Variants in LOC122539214 observed in about 807,000 individuals in gnomAD.
At chr19:52,666,077 T>G in the LOC122539214 span, among the ~76,000 whole-genome samples, 2 of 147,670 alleles carry the variant, frequency 1.4e-5, no homozygotes, top group Non-Finnish European at 3.0e-5. Flanking sequence ...GGTGGGAGAA[T>G]GGTGTGAACC....
the LOC122539214 span, chr19:52,654,225 A>G: frequency 6.3e-7 from 1 of 1,580,476 alleles, no homozygotes; most frequent in Non-Finnish European, 8.7e-7. Context: ...CTTCATGGCC[A>G]TTTCTTTTAA....
chr19:52,653,093 G>C, the LOC122539214 span: 1 of 1,476,756 alleles, frequency 6.8e-7, no homozygotes, highest in Non-Finnish European at 9.4e-7. Context: ...ATTGCCTTAT[G>C]AATTAGAAGG....
chr19:52,684,300 A>T, the LOC122539214 span, among the ~76,000 whole-genome samples: 2 of 151,380 alleles, frequency 1.3e-5, no homozygotes, highest in Non-Finnish European at 2.9e-5. Context: ...CTGGTGGTGG[A>T]GGTTGTAGTG....
the LOC122539214 span, among the ~76,000 whole-genome samples, chr19:52,683,272 G>C: frequency 9.6e-5 from 8 of 83,708 alleles, no homozygotes; most frequent in African/African-American, 2.7e-4. Context: ...GTGTGTGTGT[G>C]TGTGTGTGTA....
the LOC122539214 span, chr19:52,653,093 G>T: frequency 7.4e-6 from 11 of 1,476,638 alleles, no homozygotes; most frequent in South Asian, 1.1e-4. Flanking sequence ...ATTGCCTTAT[G>T]AATTAGAAGG....
the LOC122539214 span, among the ~76,000 whole-genome samples, chr19:52,687,134 T>C: frequency 6.7e-6 from 1 of 149,344 alleles, no homozygotes; most frequent in South Asian, 2.1e-4. Context: ...TAAGCTGAGA[T>C]TGCAACATTG....
At chr19:52,655,572 A>C in the LOC122539214 span, 1 of 1,500,800 alleles carries the variant, frequency 6.7e-7, no homozygotes, top group Non-Finnish European at 9.3e-7. Context: ...CACAGACTCC[A>C]GGTTCCTGTA....
chr19:52,688,997 C>A, the LOC122539214 span, among the ~76,000 whole-genome samples: 1 of 146,006 alleles, frequency 6.8e-6, no homozygotes, highest in Admixed American at 6.9e-5. Flanking sequence ...TACTGTTACT[C>A]TTTTTCCAGG....
At chr19:52,687,591 TATATA>T in the LOC122539214 span, among the ~76,000 whole-genome samples, 6 of 37,244 alleles carry the variant, frequency 1.6e-4, no homozygotes, top group African/African-American at 8.2e-4. Flanking sequence ...TATATATATA[TATATA>T]ATGTATATAT....
the LOC122539214 span, among the ~76,000 whole-genome samples, chr19:52,678,472 GA>G: frequency 2.8e-5 from 4 of 142,096 alleles, no homozygotes; most frequent in African/African-American, 7.7e-5. Flanking sequence ...AAAGAAAAAA[GA>G]AAAAAAAACT....
chr19:52,657,932 C>T, the LOC122539214 span, among the ~76,000 whole-genome samples: 4 of 150,684 alleles, frequency 2.7e-5, no homozygotes, highest in Non-Finnish European at 5.9e-5. Flanking sequence ...AGGTTGGTAG[C>T]TCAAGACCAG....
At chr19:52,684,629 A>G in the LOC122539214 span, among the ~76,000 whole-genome samples, 1 of 151,362 alleles carries the variant, frequency 6.6e-6, no homozygotes, top group African/African-American at 2.4e-5. Flanking sequence ...GAGTAACGTG[A>G]TAGAGACTGG....
At chr19:52,683,865 G>C in the LOC122539214 span, among the ~76,000 whole-genome samples, 2 of 152,162 alleles carry the variant, frequency 1.3e-5, no homozygotes, top group Non-Finnish European at 2.9e-5. Flanking sequence ...AGGTGCTGCT[G>C]TTGTCCTGTG....
the LOC122539214 span, among the ~76,000 whole-genome samples, chr19:52,662,368 CAG>C: frequency 6.6e-6 from 1 of 152,070 alleles, no homozygotes; most frequent in Non-Finnish European, 1.5e-5. Context: ...AATATCCCAG[CAG>C]AGAGCTGAGG....
the LOC122539214 span, among the ~76,000 whole-genome samples, chr19:52,670,908 AGATG>A: frequency 6.6e-6 from 1 of 152,236 alleles, no homozygotes; most frequent in Non-Finnish European, 1.5e-5. Flanking sequence ...TTAAGATAAA[AGATG>A]TTGGAGACCA....
chr19:52,661,823 G>A, the LOC122539214 span, among the ~76,000 whole-genome samples: 1 of 152,148 alleles, frequency 6.6e-6, no homozygotes. Context: ...TGGGGCCTGT[G>A]GGAGATCACA....
At chr19:52,658,136 CAAAAA>C in the LOC122539214 span, among the ~76,000 whole-genome samples, 1 of 103,784 alleles carries the variant, frequency 9.6e-6, no homozygotes, top group Non-Finnish European at 2.1e-5. Context: ...AACTTCATCT[CAAAAA>C]AAAAAAAAAA....
chr19:52,687,860 A>G, the LOC122539214 span, among the ~76,000 whole-genome samples: 1 of 150,756 alleles, frequency 6.6e-6, no homozygotes, highest in Admixed American at 6.7e-5. Flanking sequence ...GTATTGTGTA[A>G]TAACAGAAAG....
the LOC122539214 span, among the ~76,000 whole-genome samples, chr19:52,675,501 C>G: frequency 0.31 from 46,935 of 151,188 alleles, 7,739 homozygotes; most frequent in African/African-American, 0.41. Context: ...GCTGAGTCAT[C>G]ATACCCTGCA....
Sources: gnomAD v4.1 joint callset for allele counts (sites outside exome capture counted in the v4.1 genomes callset) on GRCh38, gnomAD v4.1.1 for gene constraint, MANE v1.5 for transcripts.